The following GALNT1 variants were observed in gnomAD, a reference collection of about 807,000 sequenced individuals.
The protein encoded by GALNT1 is GalNAc transferase 1.
Under a neutral mutation model 65.7 loss-of-function variants are expected in GALNT1, and 17 were observed. The observed-to-expected ratio is 0.26, with a 90% confidence interval of 0.18 to 0.39. GALNT1 has a LOEUF of 0.39. Ranked by LOEUF, GALNT1 falls within the 10% of genes least tolerant of loss-of-function variation. GALNT1 has a pLI of 1.00. For synonymous variants in GALNT1, 210 were observed against 219.7 expected (o/e 0.96, Z 0.39); for missense variants, 460 against 672.8 (o/e 0.68, Z 3.50).
intron 1 of GALNT1, among the ~76,000 whole-genome samples, chr18:35,622,184 TAAAG>T (rs1397768190): frequency 6.6e-6 from 1 of 152,182 alleles, no homozygotes; most frequent in Non-Finnish European, 1.5e-5. Context: ...CTTCCACACA[TAAAG>T]ATAGTATTCC....
At chr18:35,690,007 A>G (rs1428517402) in intron 7 of GALNT1, among the ~76,000 whole-genome samples, 1 of 152,176 alleles carries the variant, frequency 6.6e-6, no homozygotes, top group African/African-American at 2.4e-5. Flanking sequence ...TGGAGATCCT[A>G]TCCAGCTCTA....
At chr18:35,619,868 A>C (rs1337829159) in intron 1 of GALNT1, among the ~76,000 whole-genome samples, 1 of 152,154 alleles carries the variant, frequency 6.6e-6, no homozygotes, top group Non-Finnish European at 1.5e-5. Flanking sequence ...AGGAAGTAAA[A>C]GGTTTTTTTA....
At chr18:35,627,909 C>T (rs566737817) in intron 1 of GALNT1, among the ~76,000 whole-genome samples, 20 of 152,320 alleles carry the variant, frequency 1.3e-4, no homozygotes, top group African/African-American at 4.8e-4. Flanking sequence ...AAACGGCACA[C>T]CAGGAGATTA....
At chr18:35,618,791 G>C (rs2046816467) in intron 1 of GALNT1, among the ~76,000 whole-genome samples, 1 of 152,048 alleles carries the variant, frequency 6.6e-6, no homozygotes, top group African/African-American at 2.4e-5. Context: ...GCCCTCCAAA[G>C]AGCTGAAACA....
At chr18:35,676,839 G>C (rs1211756499) in intron 3 of GALNT1, among the ~76,000 whole-genome samples, 2 of 152,236 alleles carry the variant, frequency 1.3e-5, no homozygotes, top group African/African-American at 2.4e-5. Flanking sequence ...AAGGTTGAAA[G>C]AAGAGACCAT....
At chr18:35,669,756 C>T (rs1206425594) in intron 3 of GALNT1, among the ~76,000 whole-genome samples, 2 of 152,120 alleles carry the variant, frequency 1.3e-5, no homozygotes, top group Non-Finnish European at 1.5e-5. Flanking sequence ...GTAAGCTTTC[C>T]CTTTGAGATC....
chr18:35,592,739 C>G (rs1435143525), intron 1 of GALNT1, among the ~76,000 whole-genome samples: 1 of 152,114 alleles, frequency 6.6e-6, no homozygotes, highest in African/African-American at 2.4e-5. Context: ...GAGGCCTGGA[C>G]TAAATGGTGG....
intron 1 of GALNT1, among the ~76,000 whole-genome samples, chr18:35,638,484 C>A (rs2047121480): frequency 6.6e-6 from 1 of 152,034 alleles, no homozygotes; most frequent in African/African-American, 2.4e-5. Context: ...ACACACAGCC[C>A]CAGCAGTCCT....
intron 9 of GALNT1, among the ~76,000 whole-genome samples, chr18:35,697,893 C>A (rs974642927): frequency 4.6e-5 from 7 of 152,198 alleles, no homozygotes; most frequent in Admixed American, 4.6e-4. Context: ...GTTAATCAGC[C>A]ATAAACAATT....
intron 4 of GALNT1, among the ~76,000 whole-genome samples, chr18:35,682,837 C>A (rs1320465632): frequency 6.8e-6 from 1 of 147,296 alleles, no homozygotes; most frequent in African/African-American, 2.5e-5. Context: ...GTTTAAGGAT[C>A]TCTATTTGGC....
intron 1 of GALNT1, among the ~76,000 whole-genome samples, chr18:35,621,020 G>A (rs1302466627): frequency 6.6e-6 from 1 of 152,010 alleles, no homozygotes; most frequent in Non-Finnish European, 1.5e-5. Context: ...TTGTGTTTTT[G>A]CCAGTTTGAT....
At chr18:35,655,694 A>T (rs2047375974) in intron 2 of GALNT1, among the ~76,000 whole-genome samples, 1 of 152,056 alleles carries the variant, frequency 6.6e-6, no homozygotes, top group Non-Finnish European at 1.5e-5. Context: ...GCCACATTTA[A>T]ATTTTTTATA....
At chr18:35,679,189 A>C (rs1215463780) in intron 4 of GALNT1, among the ~76,000 whole-genome samples, 1 of 152,224 alleles carries the variant, frequency 6.6e-6, no homozygotes, top group African/African-American at 2.4e-5. Flanking sequence ...AATTAACCTA[A>C]GTTAATATAA....
Position 35,709,818 on chromosome 18 carries a change from C to A in GALNT1, c.*48C>A. On this transcript the variant is annotated 3_prime_UTR_variant, in exon 12 of 12. Transcript: ENST00000269195. Reference sequence around the variant, plus strand: ...AAAAAATAAGGATTGACTGGGCTACCTCAGCATACATTTCTGCCACATTCT... The same window carrying A: ...AAAAAATAAGGATTGACTGGGCTACATCAGCATACATTTCTGCCACATTCT... 1 of 1,601,940 alleles carries A rather than the reference C, an allele frequency of 6.2e-7. No individual in the cohort carries two copies. The highest frequency in any genetic ancestry group is 2.3e-5 in the East Asian group (1 of 44,318).
intron 1 of GALNT1, among the ~76,000 whole-genome samples, chr18:35,586,833 A>C (rs1256302582): frequency 1.3e-5 from 2 of 152,178 alleles, no homozygotes; most frequent in Non-Finnish European, 1.5e-5. Flanking sequence ...TTTCCTTATA[A>C]ATTGTAGAAT....
chr18:35,655,012 T>G (rs3786393), intron 2 of GALNT1, among the ~76,000 whole-genome samples: 4 of 152,160 alleles, frequency 2.6e-5, no homozygotes, highest in African/African-American at 9.7e-5. Context: ...CTGAATTCGA[T>G]TTTTGTGTTC....
intron 1 of GALNT1, among the ~76,000 whole-genome samples, chr18:35,589,198 G>A (rs962817052): frequency 2.6e-5 from 4 of 152,228 alleles, no homozygotes; most frequent in South Asian, 2.1e-4. Context: ...GGGAGTAGAG[G>A]TCCAGGATAT....
At position 35,661,385 on chromosome 18, in the gene GALNT1, G is replaced by T. The variant is rs188838328; in HGVS notation, c.140-2243G>T. On this transcript the variant is annotated intron_variant, in intron 2 of 11. Coordinates refer to ENST00000269195, the MANE Select transcript of GALNT1 (RefSeq NM_020474.4). The stretch of plus-strand genomic sequence containing the variant: ...ATGGTGGCGCGTGTCTGTAATACCA[G>T]CTACTGGAGAGGCTGAGACAGGACA... 1.7e-3 allele frequency among the ~76,000 whole-genome samples: 266 copies of T among 152,086 alleles called. 1 individual carries two copies. The highest frequency in any genetic ancestry group is 1.4e-3 in the Non-Finnish European group (94 of 68,012).
At chr18:35,673,916 C>G (rs2047669147) in intron 3 of GALNT1, among the ~76,000 whole-genome samples, 1 of 152,160 alleles carries the variant, frequency 6.6e-6, no homozygotes, top group African/African-American at 2.4e-5. Context: ...TGCACTTACA[C>G]AAACCTAGAT....
Sources: gnomAD v4.1 joint callset for allele counts (sites outside exome capture counted in the v4.1 genomes callset) on GRCh38, gnomAD v4.1.1 for gene constraint, MANE v1.5 for transcripts, NCBI Gene and HGNC (gene_info 2026-07-23, HGNC 2026-07-21) for gene names.